NUBPL: variants seen among roughly 807,000 people sequenced by gnomAD.
NUBPL encodes the protein NUBP iron-sulfur cluster assembly factor, mitochondrial, also known as iron-sulfur cluster transfer protein NUBPL.
NUBPL carries 31 observed loss-of-function variants against 45.7 expected under a neutral mutation model. The observed-to-expected ratio is 0.68, with a 90% CI of 0.51 to 0.92. The LOEUF is 0.92. Among genes scored for constraint, NUBPL ranks in the 40% least tolerant of loss-of-function variants. NUBPL has a pLI of 0.00. For synonymous variants in NUBPL, 144 were observed against 140.9 expected, an observed-to-expected ratio of 1.02 and a Z score of -0.15; for missense variants, 401 against 398.7, an observed-to-expected ratio of 1.01 and a Z score of -0.05.
chr14:31,834,511 G>T (rs1366082492), intron 8 of NUBPL, among the ~76,000 whole-genome samples: 1 of 152,104 alleles, frequency 6.6e-6, no homozygotes. Flanking sequence ...ATTTGTAAAG[G>T]TTAAGGATTA....
At chr14:31,818,559 C>CTTTTTTCTTTTTTCTT (rs1218136103) in intron 7 of NUBPL, among the ~76,000 whole-genome samples, 1 of 151,010 alleles carries the variant, frequency 6.6e-6, no homozygotes, top group African/African-American at 2.4e-5. Flanking sequence ...TTCTTTTTTT[C>CTTTTTTCTTTTTTCTT]TTTTTGAGTT....
intron 3 of NUBPL, among the ~76,000 whole-genome samples, chr14:31,569,381 G>C (rs975897999): frequency 6.6e-6 from 1 of 152,050 alleles, no homozygotes; most frequent in Non-Finnish European, 1.5e-5. Context: ...ATTTTTAATA[G>C]AGATGGGGTT....
chr14:31,582,144 C>A (rs2033879303), intron 3 of NUBPL, among the ~76,000 whole-genome samples: 1 of 151,816 alleles, frequency 6.6e-6, no homozygotes, highest in African/African-American at 2.4e-5. Context: ...GCTAGAATGG[C>A]TGTTTTCAAA....
chr14:31,722,488 C>T lies in NUBPL; in HGVS notation c.513+48914C>T, dbSNP rs568942022. Among the ~76,000 whole-genome samples, 13 of 152,242 alleles carry T rather than the reference C, an allele frequency of 8.5e-5. No individual in the cohort carries two copies. In the South Asian group the frequency reaches 2.7e-3, roughly 32 times the overall value. The stretch of plus-strand genomic sequence containing the variant: ...GGGATTGCTGGGTCAAATGGTGCTT[C>T]TGTGTTTAGTTCTTTGAGGAATGGC... On this transcript the variant is annotated intron_variant, in intron 6 of 10. Transcript: ENST00000281081.
chr14:31,732,342 G>C (rs1158271032), intron 6 of NUBPL, among the ~76,000 whole-genome samples: 1 of 151,996 alleles, frequency 6.6e-6, no homozygotes, highest in Non-Finnish European at 1.5e-5. Flanking sequence ...CATTTAGCTA[G>C]CCTATATTTC....
At chr14:31,718,991 G>A (rs1047963817) in intron 6 of NUBPL, among the ~76,000 whole-genome samples, 2 of 152,086 alleles carry the variant, frequency 1.3e-5, no homozygotes, top group South Asian at 2.1e-4. Flanking sequence ...TGAAAATATC[G>A]TAAGTCAAAA....
At chr14:31,736,980 G>T (rs2038179193) in intron 6 of NUBPL, among the ~76,000 whole-genome samples, 1 of 152,082 alleles carries the variant, frequency 6.6e-6, no homozygotes, top group Admixed American at 6.6e-5. Flanking sequence ...TTGTGAAATG[G>T]TGGTTCATGT....
At chr14:31,841,352 A>G (rs1022547698) in intron 8 of NUBPL, among the ~76,000 whole-genome samples, 1 of 152,162 alleles carries the variant, frequency 6.6e-6, no homozygotes, top group Non-Finnish European at 1.5e-5. Flanking sequence ...ATTTGATATA[A>G]TTTTGTTTTT....
At chr14:31,785,662 GTCTA>G (rs1216325726) in intron 6 of NUBPL, among the ~76,000 whole-genome samples, 13 of 152,062 alleles carry the variant, frequency 8.5e-5, no homozygotes, top group East Asian at 1.9e-4. Flanking sequence ...CTGTCTATCT[GTCTA>G]TCTATCTTTC....
chr14:31,849,370 G>A (rs142645085), intron 9 of NUBPL, among the ~76,000 whole-genome samples: 26 of 152,230 alleles, frequency 1.7e-4, no homozygotes, highest in African/African-American at 6.0e-4. Context: ...TCTCAGTCTT[G>A]ATAGACTTCA....
chr14:31,799,259 T>G (rs2039534780), intron 7 of NUBPL, among the ~76,000 whole-genome samples: 1 of 152,156 alleles, frequency 6.6e-6, no homozygotes, highest in Non-Finnish European at 1.5e-5. Flanking sequence ...TTTTTTATAG[T>G]GTACATGTAG....
At chr14:31,747,191 A>G (rs1349916069) in intron 6 of NUBPL, among the ~76,000 whole-genome samples, 1 of 137,818 alleles carries the variant, frequency 7.3e-6, no homozygotes, top group Non-Finnish European at 1.5e-5. Context: ...GCTGGAGTGC[A>G]GTGGCACGAT....
chr14:31,799,459 C>G (rs1037540258), intron 7 of NUBPL, among the ~76,000 whole-genome samples: 1 of 152,092 alleles, frequency 6.6e-6, no homozygotes, highest in African/African-American at 2.4e-5. Context: ...TATGCTCCAT[C>G]TTGTTACATA....
intron 6 of NUBPL, among the ~76,000 whole-genome samples, chr14:31,783,334 A>G (rs2039226229): frequency 6.6e-6 from 1 of 152,004 alleles, no homozygotes; most frequent in South Asian, 2.1e-4. Flanking sequence ...CAGTCTGAGC[A>G]CTAGATTCTG....
At chr14:31,707,245 G>A (rs899409076) in intron 6 of NUBPL, among the ~76,000 whole-genome samples, 1 of 152,190 alleles carries the variant, frequency 6.6e-6, no homozygotes, top group Non-Finnish European at 1.5e-5. Flanking sequence ...CAGTGCTTTC[G>A]GGCTATGCCC....
chr14:31,684,547 A>G (rs932824521), intron 6 of NUBPL, among the ~76,000 whole-genome samples: 3 of 152,098 alleles, frequency 2.0e-5, no homozygotes, highest in Non-Finnish European at 4.4e-5. Flanking sequence ...ATGTATACCA[A>G]CTGGTGGTTC....
chr14:31,747,048 TGA>T (rs2038413514), intron 6 of NUBPL, among the ~76,000 whole-genome samples: 1 of 128,958 alleles, frequency 7.8e-6, no homozygotes, highest in African/African-American at 3.1e-5. Flanking sequence ...TCAGCCTGGG[TGA>T]TACAGAGAGA....
chr14:31,573,384 G>T (rs2033639436), intron 3 of NUBPL, among the ~76,000 whole-genome samples: 1 of 152,066 alleles, frequency 6.6e-6, no homozygotes, highest in South Asian at 2.1e-4. Context: ...CTTTACTCCA[G>T]ATGCATCACC....
At chr14:31,814,306 A>T (rs1016012034) in intron 7 of NUBPL, among the ~76,000 whole-genome samples, 2 of 151,926 alleles carry the variant, frequency 1.3e-5, no homozygotes, top group African/African-American at 4.8e-5. Context: ...TTTTTTTCAT[A>T]TGTTTGTTGG....
Sources: gnomAD v4.1 joint callset for allele counts (sites outside exome capture counted in the v4.1 genomes callset) on GRCh38, gnomAD v4.1.1 for gene constraint, MANE v1.5 for transcripts, NCBI Gene and HGNC (gene_info 2026-07-23, HGNC 2026-07-21) for gene names.